The following IQGAP2 variants were observed in gnomAD, a reference collection of about 807,000 sequenced individuals.
IQGAP2 encodes IQ motif containing GTPase activating protein 2.
In IQGAP2, 173 loss-of-function variants were observed where a neutral mutation model predicts 201.3. The ratio of observed to expected loss-of-function variants is 0.86; its 90% CI spans 0.76 to 0.98. The LOEUF is 0.98. Ranked by LOEUF, IQGAP2 falls within the 50% of genes least tolerant of loss-of-function variation. The probability of loss-of-function intolerance (pLI) is 0.00; values close to 1 mark genes in which losing one functional copy is unlikely to be tolerated. For synonymous variants in IQGAP2, 675 were observed against 673.9 expected (o/e 1.00, Z -0.03); for missense variants, 1,687 against 1,864.8 (o/e 0.90, Z 1.76).
intron 1 of IQGAP2, among the ~76,000 whole-genome samples, chr5:76,426,121 GC>G (rs1751981675): frequency 6.6e-6 from 1 of 152,198 alleles, no homozygotes; most frequent in African/African-American, 2.4e-5. Context: ...CACATCACCA[GC>G]AAGGGCCAAA....
chr5:76,485,322 A>T (rs1032295873), intron 2 of IQGAP2, among the ~76,000 whole-genome samples: 1 of 152,216 alleles, frequency 6.6e-6, no homozygotes, highest in Non-Finnish European at 1.5e-5. Flanking sequence ...TAAACAACAT[A>T]TTCACATATG....
intron 9 of IQGAP2, among the ~76,000 whole-genome samples, chr5:76,593,836 A>G (rs935693996): frequency 6.6e-5 from 10 of 152,182 alleles, no homozygotes; most frequent in African/African-American, 1.9e-4. Context: ...TGAGTTTTGA[A>G]TATTCTTTTT....
At chr5:76,539,921 T>C (rs1742645052) in intron 2 of IQGAP2, among the ~76,000 whole-genome samples, 1 of 152,336 alleles carries the variant, frequency 6.6e-6, no homozygotes, top group East Asian at 1.9e-4. Context: ...CATCCTTTCC[T>C]GCAGTAGCAG....
intron 2 of IQGAP2, among the ~76,000 whole-genome samples, chr5:76,488,070 G>T (rs1183110838): frequency 6.6e-6 from 1 of 152,180 alleles, no homozygotes; most frequent in African/African-American, 2.4e-5. Context: ...CTCATCTGTG[G>T]TTTTCTTGGG....
intron 10 of IQGAP2, 46 bp downstream of exon 10, chr5:76,597,648 C>T: frequency 6.3e-7 from 1 of 1,592,604 alleles, no homozygotes; most frequent in Non-Finnish European, 8.6e-7. Flanking sequence ...ACCCTGCGTG[C>T]CATGGCGCAC....
chr5:76,526,938 G>A (rs570765547), intron 2 of IQGAP2, among the ~76,000 whole-genome samples: 3 of 152,208 alleles, frequency 2.0e-5, no homozygotes, highest in Non-Finnish European at 4.4e-5. Flanking sequence ...TGGCCACTGA[G>A]TGTGTCTGTG....
chr5:76,700,044 A>G (rs1210951081), intron 33 of IQGAP2, among the ~76,000 whole-genome samples: 1 of 152,054 alleles, frequency 6.6e-6, no homozygotes, highest in East Asian at 1.9e-4. Context: ...TTATAATTAC[A>G]TAAACATATA....
chr5:76,683,214 C>A lies in IQGAP2; in HGVS notation c.3760C>A (p.Leu1254Ile), dbSNP rs1208461174. The change falls in exon 29 of 36, where the codon CTT becomes ATT. Residue 1254 changes from leucine to isoleucine, a missense_variant. Coordinates refer to ENST00000274364, the MANE Select transcript of IQGAP2 (RefSeq NM_006633.5). ...LGEVPTVESFLGEGAVDPNDP... is the reference protein window; with the variant it reads ...LGEVPTVESFIGEGAVDPNDP... ...AGAGGTGCCAACCGTGGAATCTTTT[C>A]TTGGTAAGAGCTTGTTCCTTCTACT... 4 of 1,607,724 alleles carry A rather than the reference C, an allele frequency of 2.5e-6. No homozygotes were observed. The highest frequency in any genetic ancestry group is 3.4e-6 in the Non-Finnish European group (4 of 1,176,154).
chr5:76,568,468 G>A (rs1744898451), intron 3 of IQGAP2, among the ~76,000 whole-genome samples: 1 of 152,172 alleles, frequency 6.6e-6, no homozygotes, highest in Non-Finnish European at 1.5e-5. Context: ...CAGGAACCAA[G>A]GTTCAGAGAG....
intron 1 of IQGAP2, among the ~76,000 whole-genome samples, chr5:76,443,096 C>T (rs1580200617): frequency 6.6e-6 from 1 of 152,152 alleles, no homozygotes; most frequent in Admixed American, 6.6e-5. Context: ...CTTAAATACA[C>T]CATGTTGTAG....
At chr5:76,702,660 C>G (rs970647602) in intron 35 of IQGAP2, 70 bp downstream of exon 35, 14 of 686,692 alleles carry the variant, frequency 2.0e-5, no homozygotes, top group Non-Finnish European at 3.7e-5. Context: ...TACCCTGGCT[C>G]TCTCTCTTCA....
At chr5:76,640,636 G>A (rs1295024637) in intron 16 of IQGAP2, among the ~76,000 whole-genome samples, 1 of 152,180 alleles carries the variant, frequency 6.6e-6, no homozygotes, top group Non-Finnish European at 1.5e-5. Flanking sequence ...ATTCTGTGGA[G>A]CTCAGGCCTC....
At chr5:76,647,721 C>G (rs1752168171) in intron 17 of IQGAP2, among the ~76,000 whole-genome samples, 1 of 151,972 alleles carries the variant, frequency 6.6e-6, no homozygotes, top group Non-Finnish European at 1.5e-5. Flanking sequence ...TTAATACAGG[C>G]TCTAGTGAAA....
chr5:76,624,982 G>C (rs1750089973), intron 13 of IQGAP2, among the ~76,000 whole-genome samples: 1 of 152,222 alleles, frequency 6.6e-6, no homozygotes, highest in Non-Finnish European at 1.5e-5. Context: ...GCTGAGGCAG[G>C]AGAATAGCTT....
intron 1 of IQGAP2, among the ~76,000 whole-genome samples, chr5:76,418,122 A>G (rs1289126511): frequency 1.3e-5 from 2 of 148,498 alleles, no homozygotes; most frequent in Non-Finnish European, 3.0e-5. Context: ...CAGGAGAATC[A>G]CTTGAACGTG....
chr5:76,681,179 T>C (rs1156779618), intron 28 of IQGAP2, among the ~76,000 whole-genome samples: 1 of 151,308 alleles, frequency 6.6e-6, no homozygotes, highest in Non-Finnish European at 1.5e-5. Flanking sequence ...TGGGGACTTG[T>C]ATCCAGAATA....
At chr5:76,519,766 C>G (rs967604677) in intron 2 of IQGAP2, among the ~76,000 whole-genome samples, 11 of 152,246 alleles carry the variant, frequency 7.2e-5, no homozygotes, top group African/African-American at 2.6e-4. Flanking sequence ...TATTGTTTTG[C>G]ATTTTTCTAA....
At chr5:76,640,349 T>G (rs1171485689) in intron 16 of IQGAP2, among the ~76,000 whole-genome samples, 3 of 152,186 alleles carry the variant, frequency 2.0e-5, no homozygotes, top group Non-Finnish European at 4.4e-5. Context: ...CATGAAACTT[T>G]CTTATAACCC....
intron 2 of IQGAP2, among the ~76,000 whole-genome samples, chr5:76,533,276 G>A (rs1210640054): frequency 6.6e-6 from 1 of 152,108 alleles, no homozygotes; most frequent in African/African-American, 2.4e-5. Flanking sequence ...CTTACTTGTG[G>A]AATTGTTGGA....
Sources: allele counts gnomAD v4.1 joint callset (sites outside exome capture counted in the v4.1 genomes callset), GRCh38; gene constraint gnomAD v4.1.1; transcripts MANE v1.5; gene names NCBI Gene and HGNC (gene_info 2026-07-23, HGNC 2026-07-21).